Variants in FGF13 observed in about 807,000 individuals in gnomAD.
The protein encoded by FGF13 is fibroblast growth factor 13, also known as fibroblast growth factor homologous factor 2.
Under a neutral mutation model 19.5 loss-of-function variants are expected in FGF13, and 2 were observed. The observed-to-expected ratio is 0.10, with a 90% CI of 0.04 to 0.32. The LOEUF is 0.32. FGF13 is among the 10% of genes least tolerant of loss of function. FGF13 has a pLI of 1.00. For synonymous variants in FGF13, 72 were observed against 76.9 expected (o/e 0.94, Z 0.33); for missense variants, 113 against 192.7 (o/e 0.59, Z 2.45).
chrX:138,982,517 A>T (rs1179174011), intron 1 of FGF13, among the ~76,000 whole-genome samples: 1 of 112,123 alleles, frequency 8.9e-6, no homozygotes, highest in Non-Finnish European at 1.9e-5. Flanking sequence ...AGTGGGGGAA[A>T]ACGGCTTCTG....
intron 1 of FGF13, among the ~76,000 whole-genome samples, chrX:138,900,704 A>G (rs930729729): frequency 9.0e-6 from 1 of 111,579 alleles, no homozygotes; most frequent in African/African-American, 3.3e-5. Flanking sequence ...AAACTGTCCA[A>G]TGGCTTCCCA....
chrX:138,791,067 G>A (rs1040005906), intron 3 of FGF13, among the ~76,000 whole-genome samples: 16 of 112,349 alleles, frequency 1.4e-4, no homozygotes, highest in Non-Finnish European at 3.0e-4. Context: ...CAACTACTAT[G>A]TACAGATAAA....
intron 3 of FGF13, among the ~76,000 whole-genome samples, chrX:138,786,769 G>A (rs892966183): frequency 2.7e-5 from 3 of 111,556 alleles, no homozygotes; most frequent in Admixed American, 1.9e-4. Flanking sequence ...TGTGATGCTG[G>A]GCAAGGCACA....
chrX:139,018,489 A>C (rs1230171548), intron 1 of FGF13, among the ~76,000 whole-genome samples: 1 of 111,441 alleles, frequency 9.0e-6, no homozygotes, highest in East Asian at 2.9e-4. Flanking sequence ...CCCAGGTGGC[A>C]AATTATTTTT....
intron 1 of FGF13, among the ~76,000 whole-genome samples, chrX:139,107,548 A>C: frequency 9.0e-6 from 1 of 111,361 alleles, no homozygotes; most frequent in Non-Finnish European, 1.9e-5. Flanking sequence ...AACAGTTCAA[A>C]ATAAATATTT....
At chrX:138,760,771 A>G (rs1056192165) in intron 3 of FGF13, among the ~76,000 whole-genome samples, 1 of 111,929 alleles carries the variant, frequency 8.9e-6, no homozygotes, top group Non-Finnish European at 1.9e-5. Flanking sequence ...CTCTTGTACC[A>G]TAATGTACCA....
At chrX:138,954,602 T>C (rs141229362) in intron 1 of FGF13, among the ~76,000 whole-genome samples, 3,122 of 111,815 alleles carry the variant, frequency 0.028, 121 homozygotes, top group African/African-American at 0.096. Flanking sequence ...TTGTGATCTA[T>C]TGTGAGATAA....
At chrX:138,643,885 T>G (rs1247036375) in intron 3 of FGF13, among the ~76,000 whole-genome samples, 2 of 111,782 alleles carry the variant, frequency 1.8e-5, no homozygotes, top group African/African-American at 6.5e-5. Flanking sequence ...AAAACAAACC[T>G]TCTAGTCTTT....
At chrX:138,911,136 T>C (rs190058467) in intron 1 of FGF13, among the ~76,000 whole-genome samples, 1 of 111,851 alleles carries the variant, frequency 8.9e-6, no homozygotes, top group African/African-American at 3.2e-5. Flanking sequence ...AAGGAGCAAT[T>C]ATCTCATTTC....
intron 1 of FGF13, among the ~76,000 whole-genome samples, chrX:138,733,552 C>G (rs1259998685): frequency 9.0e-6 from 1 of 111,334 alleles, no homozygotes; most frequent in African/African-American, 3.3e-5. Flanking sequence ...ATTACATGAA[C>G]CAAAGACTGG....
intron 1 of FGF13, among the ~76,000 whole-genome samples, chrX:138,963,515 T>C (rs2091883195): frequency 8.9e-6 from 1 of 112,378 alleles, no homozygotes; most frequent in Non-Finnish European, 1.9e-5. Flanking sequence ...ACTTGCCACC[T>C]ACTAACTTGG....
intron 3 of FGF13, among the ~76,000 whole-genome samples, chrX:138,813,674 C>T (rs2090942156): frequency 8.9e-6 from 1 of 112,175 alleles, no homozygotes; most frequent in Admixed American, 9.5e-5. Context: ...GCAGTTGAAG[C>T]AACTTTTTCC....
intron 1 of FGF13, among the ~76,000 whole-genome samples, chrX:139,057,485 C>T (rs896231248): frequency 1.8e-5 from 2 of 111,519 alleles, no homozygotes; most frequent in Non-Finnish European, 3.8e-5. Context: ...CCAGAAATTC[C>T]ACTACCAGGT....
intron 3 of FGF13, among the ~76,000 whole-genome samples, chrX:138,663,182 G>C (rs1346117851): frequency 9.0e-6 from 1 of 111,159 alleles, no homozygotes; most frequent in Non-Finnish European, 1.9e-5. Flanking sequence ...TTAATATTAC[G>C]CATCACAGTA....
intron 3 of FGF13, among the ~76,000 whole-genome samples, chrX:138,837,602 A>C (rs1273174129): frequency 8.9e-6 from 1 of 112,321 alleles, no homozygotes; most frequent in Non-Finnish European, 1.9e-5. Context: ...GGGAATTTTC[A>C]AAACTCTGTA....
At position 138,625,425 on chromosome X, in the gene FGF13, A is replaced by C. The variant is rs1184195128; in HGVS notation, c.*7425T>G. ...AATAGATAAGTTATGGAACAACCTAAGTGCCCACGGACAGATGAATGAAGA... is the reference window on the plus strand; with the variant it reads ...AATAGATAAGTTATGGAACAACCTACGTGCCCACGGACAGATGAATGAAGA... On this transcript the variant is annotated 3_prime_UTR_variant, in exon 5 of 5. Transcript: ENST00000315930. The C allele has an allele frequency of 9.8e-6, 1 of 102,511 alleles. No homozygotes were observed. The highest frequency in any genetic ancestry group is 2.0e-5 in the Non-Finnish European group (1 of 51,076). 8.4% of individuals were successfully genotyped at this position (102,511 alleles called of 1,213,427 possible).
At chrX:138,655,810 T>C (rs775680841) in intron 3 of FGF13, among the ~76,000 whole-genome samples, 1 of 112,232 alleles carries the variant, frequency 8.9e-6, no homozygotes, top group Non-Finnish European at 1.9e-5. Context: ...TAATTGCTAA[T>C]ATTAACGCTT....
intron 1 of FGF13, among the ~76,000 whole-genome samples, chrX:139,091,678 A>G (rs2124449866): frequency 8.9e-6 from 1 of 111,983 alleles, no homozygotes; most frequent in East Asian, 2.8e-4. Context: ...AAGCTTAGTA[A>G]AATAGATGAT....
At chrX:138,705,432 A>T (rs1042758372) in intron 2 of FGF13, among the ~76,000 whole-genome samples, 2 of 112,148 alleles carry the variant, frequency 1.8e-5, no homozygotes, top group African/African-American at 6.5e-5. Flanking sequence ...AGAAAAAAAC[A>T]TCAGCAGTAC....
Sources: gnomAD v4.1 joint callset for allele counts (sites outside exome capture counted in the v4.1 genomes callset) on GRCh38, gnomAD v4.1.1 for gene constraint, MANE v1.5 for transcripts, NCBI Gene and HGNC (gene_info 2026-07-23, HGNC 2026-07-21) for gene names.